The following CDC42EP4 variants were observed in gnomAD, a reference collection of about 807,000 sequenced individuals.
CDC42EP4 encodes the protein CDC42 effector protein 4.
CDC42EP4 carries 6 observed loss-of-function variants against 5.6 expected under a neutral mutation model. The ratio of observed to expected loss-of-function variants is 1.07; its 90% CI spans 0.59 to 2.12. The LOEUF (loss-of-function observed/expected upper bound fraction) is 2.12, where lower values mean the gene tolerates loss of function less well. CDC42EP4 is among the 30% of genes most tolerant of loss of function. CDC42EP4 has a pLI of 0.00. For synonymous variants in CDC42EP4, 230 were observed against 224.2 expected (o/e 1.03, Z -0.23); for missense variants, 490 against 508.6 (o/e 0.96, Z 0.35).
chr17:73,299,592 T>C (rs2062208521), intron 1 of CDC42EP4, among the ~76,000 whole-genome samples: 3 of 152,194 alleles, frequency 2.0e-5, no homozygotes, highest in Middle Eastern at 3.4e-3. Flanking sequence ...GCACGAACCG[T>C]TGCACCCCAC....
At position 73,283,643 on chromosome 17, in the gene CDC42EP4, T is replaced by TA. The variant is rs397695304; in HGVS notation, c.*1786dup. On this transcript the variant is annotated 3_prime_UTR_variant, in exon 2 of 2. Transcript: ENST00000335793. ...CAGGCGTGCTTTAGGGCTTTTTTTTTAATGTTTCCTCACTGTTTTGACAAT... is the reference window on the plus strand; with the variant it reads ...CAGGCGTGCTTTAGGGCTTTTTTTTTAAATGTTTCCTCACTGTTTTGACAAT... 6 of 151,640 alleles carry TA rather than the reference T, an allele frequency of 4.0e-5. No homozygotes were observed. In the East Asian group the frequency reaches 7.7e-4, roughly 20 times the overall value. The allele number at this position is 151,640 out of a possible 1,614,324, so 9.4% of individuals were successfully genotyped here.
intron 1 of CDC42EP4, among the ~76,000 whole-genome samples, chr17:73,292,250 A>G (rs1410207948): frequency 5.3e-5 from 8 of 152,204 alleles, no homozygotes; most frequent in Non-Finnish European, 8.8e-5. Flanking sequence ...GCCTTCCCCT[A>G]GCTGTTCTAA....
intron 1 of CDC42EP4, among the ~76,000 whole-genome samples, chr17:73,291,061 A>T (rs2062159205): frequency 6.6e-6 from 1 of 152,156 alleles, no homozygotes; most frequent in East Asian, 1.9e-4. Context: ...ACAGCAGGGA[A>T]ACTCAGCTGA....
Position 73,285,872 on chromosome 17 carries a change from T to C in CDC42EP4, c.629A>G (p.His210Arg), listed in dbSNP as rs769403752. The C allele has an allele frequency of 3.7e-6, 6 of 1,613,898 alleles. No individual in the cohort carries two copies. In the South Asian group the frequency reaches 4.4e-5, roughly 12 times the overall value. The change falls in exon 2 of 2, where the codon CAC (histidine) becomes CGC (arginine). Residue 210 changes from histidine to arginine, a missense_variant. His to Arg is a conservative substitution (Grantham distance 29, BLOSUM62 0). Coordinates refer to ENST00000335793, the MANE Select transcript of CDC42EP4 (RefSeq NM_012121.5). This position sits in a 1 kb window ranked among gnomAD's most constrained non-coding sequence, Gnocchi z 6.8. ...CAGCATGGAGGGCCCCAGGTCGATG[T>C]GGAAGGACATGATGGACTCCGCATG... is the stretch of plus-strand genomic sequence containing the variant. ...LKHAESIMSFHIDLGPSMLGD... is the reference protein window; with the variant it reads ...LKHAESIMSFRIDLGPSMLGD...
intron 1 of CDC42EP4, among the ~76,000 whole-genome samples, chr17:73,295,627 G>A (rs2062180501): frequency 6.6e-6 from 1 of 152,198 alleles, no homozygotes; most frequent in South Asian, 2.1e-4. Context: ...TTTTGGCCAG[G>A]TGTGGTGGCT....
chr17:73,292,366 C>T (rs374285880), intron 1 of CDC42EP4, among the ~76,000 whole-genome samples: 1 of 152,190 alleles, frequency 6.6e-6, no homozygotes, highest in African/African-American at 2.4e-5. Context: ...GGCTTTGTTC[C>T]ATTACTCATC....
intron 1 of CDC42EP4, among the ~76,000 whole-genome samples, chr17:73,300,686 A>G (rs1328383479): frequency 3.3e-5 from 5 of 152,194 alleles, no homozygotes; most frequent in Non-Finnish European, 7.3e-5. Context: ...CACACTACAC[A>G]ATATACCCAT....
chr17:73,303,354 A>C (rs1003837646), intron 1 of CDC42EP4, among the ~76,000 whole-genome samples: 3 of 146,540 alleles, frequency 2.0e-5, no homozygotes, highest in Non-Finnish European at 4.5e-5. Context: ...AAAAACAAAC[A>C]AACAAACAAA....
chr17:73,285,711 T>G lies in CDC42EP4; in HGVS notation c.790A>C (p.Arg264=). 1 of 1,572,238 alleles carries G rather than the reference T, an allele frequency of 6.4e-7. No individual in the cohort carries two copies. Among genetic ancestry groups the G allele is most frequent in the Non-Finnish European group, 8.7e-7 (1 of 1,153,400 alleles). Reference sequence around the variant, plus strand: ...TCTGGGCCAGCCTTGCCTTCCTGCCTTGCCAGGGGAGGGGCCGCCACGGCG... The same window carrying G: ...TCTGGGCCAGCCTTGCCTTCCTGCCGTGCCAGGGGAGGGGCCGCCACGGCG... ...PYAVAAPPLA[R]QEGKAGPDLP... is the part of the protein sequence containing the mutation. Residue 264 remains arginine (R), a synonymous_variant, in exon 2 of 2, where the codon AGG becomes CGG. Transcript: ENST00000335793. This position sits in a 1 kb window ranked among gnomAD's most constrained non-coding sequence, Gnocchi z 6.8.
chr17:73,291,497 TAA>T (rs1228184017), intron 1 of CDC42EP4, among the ~76,000 whole-genome samples: 4 of 152,068 alleles, frequency 2.6e-5, no homozygotes, highest in African/African-American at 9.7e-5. Flanking sequence ...TCATAGAGTT[TAA>T]GAGAAAGTAG....
Position 73,286,796 on chromosome 17 carries a change from G to GC in CDC42EP4, c.-112-185_-112-184insG. The GC allele has an allele frequency of 2.8e-6, 1 of 352,694 alleles. No individual in the cohort carries two copies. Among genetic ancestry groups the GC allele is most frequent in the Non-Finnish European group, 5.2e-6 (1 of 193,930 alleles). The allele number at this position is 352,694 out of a possible 1,614,324, so 21.8% of individuals were successfully genotyped here. A position where few individuals can be genotyped will look rare whatever the true frequency, so the allele number is the denominator to read the frequency against. On this transcript the variant is annotated intron_variant, in intron 1 of 1. Coordinates refer to ENST00000335793, the MANE Select transcript of CDC42EP4 (RefSeq NM_012121.5). This position sits in a 1 kb window ranked among gnomAD's most constrained non-coding sequence, Gnocchi z 7.7. ...TCATCCGCAGGCATTCAGAGTAGAG[G>GC]AGTGATTTTGCAAATCTGGTTAGAG...
chr17:73,305,222 G>A (rs1017879277), intron 1 of CDC42EP4, among the ~76,000 whole-genome samples: 38 of 152,194 alleles, frequency 2.5e-4, no homozygotes, highest in Admixed American at 2.0e-3. Context: ...TGTGCTTCCC[G>A]GAGCCACCAC....
chr17:73,295,368 C>T (rs187472303), intron 1 of CDC42EP4, among the ~76,000 whole-genome samples: 9 of 152,268 alleles, frequency 5.9e-5, no homozygotes, highest in East Asian at 5.8e-4. Context: ...ATGGGCTCAC[C>T]GCCAGGCACT....
chr17:73,293,052 C>T (rs1414022306), intron 1 of CDC42EP4, among the ~76,000 whole-genome samples: 4 of 152,038 alleles, frequency 2.6e-5, no homozygotes, highest in Non-Finnish European at 4.4e-5. Flanking sequence ...TTCACCACGT[C>T]GGCCAGGCTG....
intron 1 of CDC42EP4, among the ~76,000 whole-genome samples, chr17:73,296,897 C>T (rs1294399672): frequency 7.3e-6 from 1 of 137,252 alleles, no homozygotes; most frequent in African/African-American, 2.7e-5. Context: ...AGGAGAATGG[C>T]GTGAACCCGG....
intron 1 of CDC42EP4, among the ~76,000 whole-genome samples, chr17:73,308,085 C>G (rs1427251726): frequency 3.3e-5 from 5 of 152,174 alleles, no homozygotes; most frequent in Non-Finnish European, 7.3e-5. Flanking sequence ...GCAAAAAGGG[C>G]TGTGTCCAGT....
intron 1 of CDC42EP4, among the ~76,000 whole-genome samples, chr17:73,295,506 C>T (rs1189957056): frequency 1.3e-5 from 2 of 152,220 alleles, no homozygotes; most frequent in Non-Finnish European, 2.9e-5. Context: ...CATTACAAAA[C>T]TCTGATCCAA....
intron 1 of CDC42EP4, among the ~76,000 whole-genome samples, chr17:73,289,252 C>T (rs756136245): frequency 2.0e-5 from 3 of 152,174 alleles, no homozygotes; most frequent in Non-Finnish European, 4.4e-5. Context: ...AATCCCAGCA[C>T]TCTGGGAGGC....
chr17:73,289,099 C>A (rs1394186477), intron 1 of CDC42EP4, among the ~76,000 whole-genome samples: 1 of 152,230 alleles, frequency 6.6e-6, no homozygotes, highest in Admixed American at 6.5e-5. Context: ...AACCGCTAGA[C>A]CAAAGGTCAG....
Sources: allele counts gnomAD v4.1 joint callset (sites outside exome capture counted in the v4.1 genomes callset), GRCh38; gene constraint gnomAD v4.1.1; non-coding constraint Gnocchi (gnomAD v3.1); transcripts MANE v1.5; gene names NCBI Gene and HGNC (gene_info 2026-07-23, HGNC 2026-07-21).